Variants in C3orf20 observed in about 807,000 individuals in gnomAD.
C3orf20 encodes family with sequence similarity 149 member C, also known as uncharacterized protein C3orf20.
Under a neutral mutation model 88.3 loss-of-function variants are expected in C3orf20, and 76 were observed. That is an observed-to-expected ratio of 0.86 (90% CI 0.72 to 1.04). The LOEUF is 1.04. C3orf20 is among the 50% of genes least tolerant of loss of function. C3orf20 has a pLI of 0.00. For synonymous variants in C3orf20, 436 were observed against 437.4 expected (o/e 1.00, Z 0.04); for missense variants, 1,056 against 1,123.3 (o/e 0.94, Z 0.86).
chr3:14,772,724 G>A lies in C3orf20; in HGVS notation c.2631-67G>A, dbSNP rs984131260. 6 of 1,353,632 alleles carry A rather than the reference G, an allele frequency of 4.4e-6. No homozygotes were observed. The highest frequency in any genetic ancestry group is 1.4e-5 in the African/African-American group (1 of 69,852). 83.9% of individuals were successfully genotyped at this position (1,353,632 alleles called of 1,614,324 possible). A position where few individuals can be genotyped will look rare whatever the true frequency, so the allele number is the denominator to read the frequency against. On this transcript the variant is annotated intron_variant, in intron 16 of 16. Transcript: ENST00000253697. The surrounding 1 kb of genome is among the most constrained non-coding windows in gnomAD (Gnocchi z 4.2). ...GGGCCTTGCCCCTCCTGGCCCAACC[G>A]GGCCTGGGCTCTGGGCACTGTGAAG...
intron 14 of C3orf20, among the ~76,000 whole-genome samples, chr3:14,760,494 G>T (rs887525010): frequency 3.3e-5 from 5 of 151,838 alleles, no homozygotes; most frequent in Non-Finnish European, 5.9e-5. Context: ...GTCCTTTTCT[G>T]CATATATTCT....
chr3:14,675,935 A>G (rs6804711), intron 1 of C3orf20, among the ~76,000 whole-genome samples: 123,798 of 151,640 alleles, frequency 0.82, 51,543 homozygotes, highest in Non-Finnish European at 0.91. Flanking sequence ...CAGATGATCT[A>G]TCTGCCTCAT....
At chr3:14,686,375 G>T (rs927422956) in intron 4 of C3orf20, among the ~76,000 whole-genome samples, 1 of 152,120 alleles carries the variant, frequency 6.6e-6, no homozygotes, top group Non-Finnish European at 1.5e-5. Flanking sequence ...TGGATCATAT[G>T]GTAGTTCCAT....
chr3:14,724,729 T>A (rs895179446), intron 10 of C3orf20, among the ~76,000 whole-genome samples: 5 of 152,250 alleles, frequency 3.3e-5, no homozygotes, highest in Admixed American at 6.5e-5. Context: ...TAATTAGAAT[T>A]AATTTTCCCT....
chr3:14,703,343 G>A, intron 6 of C3orf20, 81 bp downstream of exon 6: 1 of 1,590,248 alleles, frequency 6.3e-7, no homozygotes, highest in Non-Finnish European at 8.6e-7. Context: ...CTGTGTATAT[G>A]TGAGTGGACA....
chr3:14,742,200 T>C (rs2034921024), intron 12 of C3orf20, among the ~76,000 whole-genome samples: 3 of 152,226 alleles, frequency 2.0e-5, no homozygotes, highest in Admixed American at 2.0e-4. Flanking sequence ...GTAACATTAG[T>C]GATATGCTGT....
chr3:14,757,490 TG>T lies in C3orf20; in HGVS notation c.2061del (p.Lys688ArgfsTer44), dbSNP rs775640922. On this transcript the variant is annotated frameshift_variant, in exon 13 of 17. Coordinates refer to ENST00000253697, the MANE Select transcript of C3orf20 (RefSeq NM_032137.5). LOFTEE classifies it high-confidence loss of function. ...EDTRAGCKCLVKAPLVSDVEL... is the reference protein window; with the variant it reads ...EDTRAGCKCLXKAPLVSDVEL... ...ACCCGTGCTGGCTGCAAGTGCCTGG[TG>T]AAGGCGCCCCTGGTCTCTGACGTGG... 6.2e-7 allele frequency: 1 copy of T among 1,613,722 alleles called. No individual in the cohort carries two copies. Among genetic ancestry groups the T allele is most frequent in the Non-Finnish European group, 8.5e-7 (1 of 1,179,992 alleles).
chr3:14,711,911 T>C (rs1329449152), intron 7 of C3orf20, among the ~76,000 whole-genome samples: 2 of 152,182 alleles, frequency 1.3e-5, no homozygotes, highest in African/African-American at 4.8e-5. Flanking sequence ...GTCTGACTTT[T>C]TGTAGCATGC....
chr3:14,700,485 A>G (rs1559405491), intron 5 of C3orf20, among the ~76,000 whole-genome samples: 1 of 152,240 alleles, frequency 6.6e-6, no homozygotes, highest in Non-Finnish European at 1.5e-5. Flanking sequence ...GGTACTATCC[A>G]TGCTTTCAGG....
chr3:14,736,940 T>C (rs551287036), intron 12 of C3orf20, among the ~76,000 whole-genome samples: 2 of 152,330 alleles, frequency 1.3e-5, no homozygotes, highest in East Asian at 3.9e-4. Context: ...ACTTTGAAGA[T>C]GTCGTTCTGC....
intron 5 of C3orf20, among the ~76,000 whole-genome samples, chr3:14,699,684 T>A (rs995103318): frequency 6.6e-6 from 1 of 152,086 alleles, no homozygotes; most frequent in Non-Finnish European, 1.5e-5. Context: ...AAGAAAGGGG[T>A]CTTTTTTGGA....
At chr3:14,726,418 C>T (rs1034775186) in intron 10 of C3orf20, among the ~76,000 whole-genome samples, 7 of 152,232 alleles carry the variant, frequency 4.6e-5, no homozygotes, top group Non-Finnish European at 8.8e-5. Flanking sequence ...GCAGCATCCA[C>T]TGCAGAGGGA....
chr3:14,679,761 C>A (rs971302234), intron 1 of C3orf20, among the ~76,000 whole-genome samples: 7 of 152,312 alleles, frequency 4.6e-5, no homozygotes, highest in African/African-American at 1.2e-4. Flanking sequence ...GTCACATGTT[C>A]ACCTCTGAGT....
rs2033267644 is a variant in C3orf20, at chr3:14,701,694, CA to C, written c.746-1435del. On this transcript the variant is annotated intron_variant, in intron 5 of 16. Transcript: ENST00000253697. The surrounding 1 kb of genome is among the most constrained non-coding windows in gnomAD (Gnocchi z 4.6). The stretch of plus-strand genomic sequence containing the variant: ...GAGAAGACCCAAGATTAGCCATCAT[CA>C]GAGAAGTTTTCAAGCTGATTGAGAA... Among the ~76,000 whole-genome samples, 1 of 152,164 alleles carries C rather than the reference CA, an allele frequency of 6.6e-6. No individual in the cohort carries two copies. Among genetic ancestry groups the C allele is most frequent in the Non-Finnish European group, 1.5e-5 (1 of 68,036 alleles).
At chr3:14,770,069 G>C (rs919563619) in intron 15 of C3orf20, among the ~76,000 whole-genome samples, 2 of 152,116 alleles carry the variant, frequency 1.3e-5, no homozygotes, top group Non-Finnish European at 2.9e-5. Flanking sequence ...GGGGCTCTAG[G>C]GGGGCCCTGG....
At chr3:14,691,690 G>A (rs1174915148) in intron 5 of C3orf20, among the ~76,000 whole-genome samples, 1 of 152,086 alleles carries the variant, frequency 6.6e-6, no homozygotes, top group Non-Finnish European at 1.5e-5. Flanking sequence ...TTTTGATACA[G>A]GCACACAATA....
intron 1 of C3orf20, among the ~76,000 whole-genome samples, chr3:14,676,893 T>G (rs115632648): frequency 6.6e-6 from 1 of 152,366 alleles, no homozygotes; most frequent in East Asian, 1.9e-4. Context: ...TAAGATCCAC[T>G]TCTCTCTAGC....
intron 12 of C3orf20, among the ~76,000 whole-genome samples, chr3:14,755,273 T>C (rs1357169449): frequency 1.3e-5 from 2 of 152,192 alleles, no homozygotes; most frequent in Non-Finnish European, 2.9e-5. Flanking sequence ...CACAGAGGGA[T>C]TTTGGAGGCT....
intron 5 of C3orf20, among the ~76,000 whole-genome samples, chr3:14,696,592 G>A (rs2033014155): frequency 1.3e-5 from 2 of 151,832 alleles, no homozygotes; most frequent in Admixed American, 6.6e-5. Flanking sequence ...TGGCTAGGCT[G>A]ATCTCGAACT....
Sources: allele counts gnomAD v4.1 joint callset (sites outside exome capture counted in the v4.1 genomes callset), GRCh38; gene constraint gnomAD v4.1.1; non-coding constraint Gnocchi (gnomAD v3.1); transcripts MANE v1.5; gene names NCBI Gene and HGNC (gene_info 2026-07-23, HGNC 2026-07-21).